NEBL: variants seen among roughly 807,000 people sequenced by gnomAD.
NEBL encodes the protein nebulette, also known as LIM and SH3 protein 2.
Under a neutral mutation model 140.2 loss-of-function variants are expected in NEBL, and 122 were observed. The observed-to-expected ratio is 0.87, with a 90% confidence interval of 0.75 to 1.01. The LOEUF is 1.01. Among genes scored for constraint, NEBL ranks in the 50% least tolerant of loss-of-function variants. The probability of loss-of-function intolerance (pLI) is 0.00; values close to 1 mark genes in which losing one functional copy is unlikely to be tolerated. For missense variants in NEBL, 1,365 were observed against 1,231.3 expected (o/e 1.11, Z -1.62); for synonymous variants, 436 against 398.9 (o/e 1.09, Z -1.11).
At chr10:21,260,947 G>A (rs181583726) in intron 1 of NEBL, among the ~76,000 whole-genome samples, 6 of 152,316 alleles carry the variant, frequency 3.9e-5, no homozygotes, top group South Asian at 2.1e-4. Context: ...GGTGGTGCAC[G>A]GGAGCACTGG....
chr10:20,940,608 A>G (rs1183310372), intron 4 of NEBL, among the ~76,000 whole-genome samples: 1 of 142,490 alleles, frequency 7.0e-6, no homozygotes, highest in Non-Finnish European at 1.5e-5. Context: ...AAGGAAATAG[A>G]GACACAAAAA....
At chr10:21,275,411 T>C (rs1209584325) in intron 1 of NEBL, among the ~76,000 whole-genome samples, 1 of 152,192 alleles carries the variant, frequency 6.6e-6, no homozygotes, top group Non-Finnish European at 1.5e-5. Context: ...AGACCTTAAG[T>C]GGGATGACTC....
chr10:20,820,982 T>C (rs1839253652), intron 19 of NEBL, among the ~76,000 whole-genome samples: 1 of 152,192 alleles, frequency 6.6e-6, no homozygotes, highest in African/African-American at 2.4e-5. Context: ...TTCCTCGATA[T>C]GTAACTTTCT....
At chr10:21,216,470 A>G (rs951308638) in intron 3 of NEBL, among the ~76,000 whole-genome samples, 1 of 152,152 alleles carries the variant, frequency 6.6e-6, no homozygotes, top group Non-Finnish European at 1.5e-5. Flanking sequence ...CCTGGCCAAC[A>G]TGATGAAAAC....
At chr10:21,017,181 G>A (rs1838588966) in intron 3 of NEBL, among the ~76,000 whole-genome samples, 1 of 151,794 alleles carries the variant, frequency 6.6e-6, no homozygotes, top group Non-Finnish European at 1.5e-5. Context: ...TACCTAAATA[G>A]AGATAATAAT....
intron 2 of NEBL, chr10:21,030,695 G>C (rs1833742736): frequency 2.1e-6 from 1 of 483,096 alleles, no homozygotes; most frequent in Non-Finnish European, 4.1e-6. Flanking sequence ...GGGAACTCTA[G>C]CCATGGTCCA....
In NEBL at chr10:20,827,310, G is replaced by T. The variant is rs529971934; in HGVS notation, c.1777-771C>A. Among the ~76,000 whole-genome samples the T allele has an allele frequency of 4.6e-5, 7 of 152,284 alleles. No individual in the cohort carries two copies. In the South Asian group the frequency reaches 1.5e-3, roughly 32 times the overall value. The stretch of plus-strand genomic sequence containing the variant: ...AAGGCTAGAACTACAGAACACTATA[G>T]AATCACACAGCCTCTTTTCCTCATC... On this transcript the variant is annotated intron_variant, in intron 17 of 27. Coordinates refer to ENST00000377122, the MANE Select transcript of NEBL (RefSeq NM_006393.3).
intron 7 of NEBL, among the ~76,000 whole-genome samples, chr10:20,861,033 A>T (rs1843645305): frequency 6.6e-6 from 1 of 152,062 alleles, no homozygotes; most frequent in African/African-American, 2.4e-5. Context: ...GTAATCAGCA[A>T]GAACTCTTTA....
At chr10:20,797,210 G>T (rs1371465918) in intron 26 of NEBL, among the ~76,000 whole-genome samples, 2 of 152,168 alleles carry the variant, frequency 1.3e-5, no homozygotes, top group Non-Finnish European at 2.9e-5. Flanking sequence ...TATTTAATAT[G>T]AAGATTCATT....
intron 3 of NEBL, among the ~76,000 whole-genome samples, chr10:21,227,711 T>TTCTTTCTTCTTC (rs1456600511): frequency 1.3e-3 from 62 of 46,376 alleles, no homozygotes; most frequent in Non-Finnish European, 2.0e-3. Flanking sequence ...CTTCTTCTTC[T>TTCTTTCTTCTTC]TTCTTCTTCT....
intron 2 of NEBL, among the ~76,000 whole-genome samples, chr10:21,033,986 C>T (rs1338020596): frequency 6.6e-6 from 1 of 150,958 alleles, no homozygotes; most frequent in African/African-American, 2.4e-5. Flanking sequence ...GGCAAAATAG[C>T]GAAAACTCAT....
chr10:20,839,211 A>G (rs144489225), intron 13 of NEBL, among the ~76,000 whole-genome samples: 2 of 152,292 alleles, frequency 1.3e-5, no homozygotes, highest in East Asian at 1.9e-4. Flanking sequence ...CCATCCTGCC[A>G]TTCAACTGCA....
At chr10:20,865,839 T>C (rs1844222191) in intron 7 of NEBL, among the ~76,000 whole-genome samples, 1 of 152,184 alleles carries the variant, frequency 6.6e-6, no homozygotes, top group Non-Finnish European at 1.5e-5. Flanking sequence ...ATCTCTCATG[T>C]CTGCCTCTCC....
At chr10:21,199,767 C>T (rs1486217901) in intron 3 of NEBL, among the ~76,000 whole-genome samples, 10 of 152,180 alleles carry the variant, frequency 6.6e-5, no homozygotes, top group East Asian at 1.9e-4. Flanking sequence ...GAGAAATCTA[C>T]CCTCCCCAAG....
At chr10:21,010,198 T>C (rs1167449615) in intron 3 of NEBL, among the ~76,000 whole-genome samples, 2 of 152,166 alleles carry the variant, frequency 1.3e-5, no homozygotes, top group African/African-American at 2.4e-5. Context: ...CACAGAGACA[T>C]GCTGAATTGA....
At chr10:20,972,016 T>C (rs1836596403) in intron 3 of NEBL, among the ~76,000 whole-genome samples, 1 of 152,236 alleles carries the variant, frequency 6.6e-6, no homozygotes, top group Non-Finnish European at 1.5e-5. Context: ...CCTGTGTACA[T>C]ATTCTGAATT....
chr10:21,020,198 G>A lies in NEBL; in HGVS notation c.168C>T (p.His56=), dbSNP rs752020039. The A allele has an allele frequency of 6.2e-6, 10 of 1,613,618 alleles. No homozygotes were observed. In the African/African-American group the frequency reaches 1.2e-4, roughly 19 times the overall value. The change falls in exon 3 of 7, where the codon CAC becomes CAT. Residue 56 remains histidine, a synonymous_variant. Transcript: ENST00000417816. ...CCGTGGTGAAGGACTGCTTCGGGTA[G>A]TGTCTGTGGGGAAATTTTTTAAAAG...
At chr10:20,908,134 C>T (rs564783408) in intron 4 of NEBL, among the ~76,000 whole-genome samples, 19 of 152,092 alleles carry the variant, frequency 1.2e-4, no homozygotes, top group Non-Finnish European at 2.6e-4. Context: ...TATACAGTAA[C>T]CCATGTGATC....
At chr10:21,160,547 T>C (rs544363202) in intron 2 of NEBL, among the ~76,000 whole-genome samples, 1 of 149,576 alleles carries the variant, frequency 6.7e-6, no homozygotes, top group East Asian at 2.0e-4. Flanking sequence ...AATTTTTAAA[T>C]AGAATTCCCC....
Sources: allele counts gnomAD v4.1 joint callset (sites outside exome capture counted in the v4.1 genomes callset), GRCh38; gene constraint gnomAD v4.1.1; transcripts MANE v1.5; gene names NCBI Gene and HGNC (gene_info 2026-07-23, HGNC 2026-07-21).